TAFA1: variants seen among roughly 807,000 people sequenced by gnomAD.
TAFA1 encodes chemokine-like protein TAFA-1.
Under a neutral mutation model 18.5 loss-of-function variants are expected in TAFA1, and 4 were observed. The observed-to-expected ratio is 0.22, with a 90% confidence interval of 0.11 to 0.49. The LOEUF (loss-of-function observed/expected upper bound fraction) is 0.49. Among genes scored for constraint, TAFA1 ranks in the 20% least tolerant of loss-of-function variants. The pLI is 0.98. For synonymous variants in TAFA1, 56 were observed against 55.2 expected (o/e 1.01, Z -0.06); for missense variants, 147 against 169.0 (o/e 0.87, Z 0.72).
At chr3:68,369,026 C>T (rs554767398) in intron 2 of TAFA1, among the ~76,000 whole-genome samples, 1 of 152,230 alleles carries the variant, frequency 6.6e-6, no homozygotes, top group East Asian at 1.9e-4. Flanking sequence ...TATTTTATTG[C>T]TTGATATGAC....
At chr3:68,517,318 T>A (rs1286259993) in intron 3 of TAFA1, among the ~76,000 whole-genome samples, 2 of 152,196 alleles carry the variant, frequency 1.3e-5, no homozygotes, top group Non-Finnish European at 2.9e-5. Context: ...TATAGTAAGG[T>A]AATAATGTTT....
chr3:68,250,904 C>A (rs1267744947), intron 2 of TAFA1: 1 of 151,818 alleles, frequency 6.6e-6, no homozygotes, highest in Non-Finnish European at 1.5e-5. Flanking sequence ...AACCCTATTT[C>A]TCTTATGGTA....
intron 2 of TAFA1, among the ~76,000 whole-genome samples, chr3:68,135,608 A>T (rs2065597988): frequency 6.6e-6 from 1 of 152,216 alleles, no homozygotes; most frequent in Non-Finnish European, 1.5e-5. Context: ...TTGAGGATTA[A>T]CGAAAATACC....
At chr3:68,488,701 G>A (rs899011224) in intron 3 of TAFA1, among the ~76,000 whole-genome samples, 2 of 152,176 alleles carry the variant, frequency 1.3e-5, no homozygotes, top group African/African-American at 4.8e-5. Flanking sequence ...ATGATAAATA[G>A]AAGATTATTA....
chr3:68,092,090 C>T (rs1266216884), intron 2 of TAFA1, among the ~76,000 whole-genome samples: 2 of 152,160 alleles, frequency 1.3e-5, no homozygotes, highest in East Asian at 3.8e-4. Flanking sequence ...GTAATAAGCC[C>T]TCTCTAATAC....
intron 2 of TAFA1, among the ~76,000 whole-genome samples, chr3:68,198,202 G>A (rs2066434077): frequency 6.6e-6 from 1 of 151,648 alleles, no homozygotes; most frequent in Admixed American, 6.6e-5. Context: ...TTTAGAGCTT[G>A]ATAGTTTATT....
intron 2 of TAFA1, among the ~76,000 whole-genome samples, chr3:68,415,184 A>G (rs891375543): frequency 1.3e-5 from 2 of 152,088 alleles, no homozygotes; most frequent in Admixed American, 6.6e-5. Context: ...CTCCTTCGCT[A>G]CCTTGTACTT....
intron 2 of TAFA1, among the ~76,000 whole-genome samples, chr3:68,207,316 A>G (rs1363768495): frequency 6.6e-6 from 1 of 151,980 alleles, no homozygotes; most frequent in African/African-American, 2.4e-5. Flanking sequence ...TCCAGATTAA[A>G]TGATATCAAA....
intron 2 of TAFA1, among the ~76,000 whole-genome samples, chr3:68,015,311 A>G (rs1386081575): frequency 2.2e-5 from 3 of 134,034 alleles, no homozygotes; most frequent in Admixed American, 7.8e-5. Flanking sequence ...TTTGAGACGT[A>G]GTTTTGCTCT....
intron 3 of TAFA1, among the ~76,000 whole-genome samples, chr3:68,519,269 G>A (rs1210976625): frequency 1.3e-5 from 2 of 152,192 alleles, no homozygotes; most frequent in Non-Finnish European, 2.9e-5. Context: ...TTTCTGCCAT[G>A]TAAGGATACA....
At chr3:68,225,885 TAAA>T (rs5849808) in intron 2 of TAFA1, among the ~76,000 whole-genome samples, 31 of 148,840 alleles carry the variant, frequency 2.1e-4, no homozygotes, top group African/African-American at 6.9e-4. Flanking sequence ...GCTGTAAGCA[TAAA>T]AAAAAAAAAA....
intron 2 of TAFA1, among the ~76,000 whole-genome samples, chr3:68,367,782 G>A (rs1446746156): frequency 6.6e-6 from 1 of 151,812 alleles, no homozygotes; most frequent in Non-Finnish European, 1.5e-5. Flanking sequence ...AACTCCCTGG[G>A]TGATTCTAAT....
intron 3 of TAFA1, among the ~76,000 whole-genome samples, chr3:68,491,540 T>A (rs1362759255): frequency 5.3e-4 from 38 of 71,686 alleles, no homozygotes; most frequent in African/African-American, 2.1e-3. Flanking sequence ...GGGACTGTTG[T>A]GGGGTGGGGG....
intron 3 of TAFA1, among the ~76,000 whole-genome samples, chr3:68,496,873 T>A (rs558947745): frequency 5.9e-5 from 9 of 152,326 alleles, no homozygotes; most frequent in African/African-American, 2.2e-4. Context: ...ATATAAATAA[T>A]ATAACATACA....
intron 2 of TAFA1, among the ~76,000 whole-genome samples, chr3:68,016,099 T>C (rs1454045593): frequency 2.6e-5 from 4 of 152,166 alleles, no homozygotes; most frequent in East Asian, 1.9e-4. Flanking sequence ...AGTTTCATCA[T>C]TATCAATTAA....
At chr3:68,275,497 G>A (rs957120188) in intron 2 of TAFA1, among the ~76,000 whole-genome samples, 1 of 140,612 alleles carries the variant, frequency 7.1e-6, no homozygotes, top group African/African-American at 2.6e-5. Context: ...TGTAAGATTA[G>A]GGGACTTTTT....
At chr3:68,492,366 G>A (rs774667498) in intron 3 of TAFA1, among the ~76,000 whole-genome samples, 27 of 152,022 alleles carry the variant, frequency 1.8e-4, no homozygotes, top group South Asian at 1.0e-3. Flanking sequence ...TGGAGGCTTC[G>A]GTATCACTGA....
At chr3:68,170,622 C>T (rs907693398) in intron 2 of TAFA1, among the ~76,000 whole-genome samples, 2 of 152,080 alleles carry the variant, frequency 1.3e-5, no homozygotes, top group Non-Finnish European at 2.9e-5. Context: ...GAAAATGCCC[C>T]AAGCTTTAAT....
chr3:68,337,747 C>T (rs553436241), intron 2 of TAFA1, among the ~76,000 whole-genome samples: 11 of 152,240 alleles, frequency 7.2e-5, no homozygotes, highest in Admixed American at 5.2e-4. Flanking sequence ...AACCTTGAAA[C>T]GGTATCAGGA....
Sources: gnomAD v4.1 joint callset for allele counts (sites outside exome capture counted in the v4.1 genomes callset) on GRCh38, gnomAD v4.1.1 for gene constraint, MANE v1.5 for transcripts, NCBI Gene and HGNC (gene_info 2026-07-23, HGNC 2026-07-21) for gene names.